SAMSN1: variants seen among roughly 807,000 people sequenced by gnomAD.
SAMSN1 encodes the protein SAM domain, SH3 domain and nuclear localization signals 1.
In SAMSN1, 31 loss-of-function variants were observed where a neutral mutation model predicts 42.0. That is an observed-to-expected ratio of 0.74 (90% CI 0.55 to 1.00). SAMSN1 has a LOEUF of 1.00. Ranked by LOEUF, SAMSN1 falls within the 50% of genes least tolerant of loss-of-function variation. SAMSN1 has a pLI of 0.00. For synonymous variants in SAMSN1, 178 were observed against 151.9 expected (o/e 1.17, Z -1.26); for missense variants, 464 against 439.4 (o/e 1.06, Z -0.50).
At chr21:14,551,360 G>T (rs1258613327) in intron 2 of SAMSN1, among the ~76,000 whole-genome samples, 3 of 152,202 alleles carry the variant, frequency 2.0e-5, no homozygotes, top group Non-Finnish European at 2.9e-5. Flanking sequence ...GGATAAAACT[G>T]CCTTGAAGAG....
At chr21:14,617,382 C>T (rs1982867280) in intron 2 of SAMSN1, among the ~76,000 whole-genome samples, 1 of 152,194 alleles carries the variant, frequency 6.6e-6, no homozygotes, top group Non-Finnish European at 1.5e-5. Flanking sequence ...AGATTAGAAG[C>T]TAATTGTGTT....
intron 5 of SAMSN1, among the ~76,000 whole-genome samples, chr21:14,507,999 G>A (rs1987492626): frequency 6.6e-6 from 1 of 152,174 alleles, no homozygotes; most frequent in Admixed American, 6.5e-5. Context: ...TAACTGGCTA[G>A]CCATATGTAG....
intron 2 of SAMSN1, among the ~76,000 whole-genome samples, chr21:14,625,303 C>T (rs1170170847): frequency 2.0e-5 from 3 of 151,892 alleles, no homozygotes; most frequent in Non-Finnish European, 4.4e-5. Context: ...GAAAGAAATA[C>T]AGGGTATTCA....
chr21:14,489,885 T>C (rs1451771138), intron 7 of SAMSN1, among the ~76,000 whole-genome samples: 6 of 152,122 alleles, frequency 3.9e-5, no homozygotes, highest in Admixed American at 2.0e-4. Flanking sequence ...CACAAAATAA[T>C]TATATTGGAA....
At chr21:14,491,647 T>C (rs1262907042) in intron 7 of SAMSN1, among the ~76,000 whole-genome samples, 1 of 152,230 alleles carries the variant, frequency 6.6e-6, no homozygotes, top group Non-Finnish European at 1.5e-5. Context: ...CTTTGTCTAA[T>C]TCAGTATACA....
At chr21:14,585,334 C>T (rs1189758980), upstream of SAMSN1, 1 of 152,108 alleles carries the variant, frequency 6.6e-6, no homozygotes, top group Non-Finnish European at 1.5e-5. Flanking sequence ...TGTTGTGCTT[C>T]TATTCTTATG....
chr21:14,505,369 G>T (rs1987352344), intron 5 of SAMSN1, among the ~76,000 whole-genome samples: 2 of 152,034 alleles, frequency 1.3e-5, no homozygotes, highest in Admixed American at 6.6e-5. Context: ...AACACATAAA[G>T]ACTCACACAA....
At chr21:14,487,347 T>G (rs9980377) in intron 7 of SAMSN1, among the ~76,000 whole-genome samples, 7 of 150,104 alleles carry the variant, frequency 4.7e-5, no homozygotes, top group African/African-American at 1.5e-4. Context: ...TATTTATTTT[T>G]TATATATATA....
upstream of SAMSN1, among the ~76,000 whole-genome samples, chr21:14,587,127 T>C (rs1981942676): frequency 1.3e-5 from 2 of 152,224 alleles, no homozygotes; most frequent in African/African-American, 4.8e-5. Flanking sequence ...TCCATTTCAA[T>C]GGACTCTTCC....
At chr21:14,595,411 G>A (rs573321609) in intron 6 of SAMSN1, among the ~76,000 whole-genome samples, 14 of 151,992 alleles carry the variant, frequency 9.2e-5, no homozygotes, top group Admixed American at 3.9e-4. Context: ...TAGAGCTGTG[G>A]GAAATATGTT....
chr21:14,522,181 G>A (rs1036513282), intron 1 of SAMSN1, among the ~76,000 whole-genome samples: 3 of 152,144 alleles, frequency 2.0e-5, no homozygotes, highest in Non-Finnish European at 4.4e-5. Flanking sequence ...TGCTTACAAA[G>A]CTACATTTTT....
At chr21:14,643,124 T>A (rs1170511102) in exon 2 of SAMSN1, 1 of 717,066 alleles carries the variant, frequency 1.4e-6, no homozygotes, top group Non-Finnish European at 2.6e-6. Flanking sequence ...AAGCTATCCA[T>A]AGAGCCCTCC....
intron 2 of SAMSN1, among the ~76,000 whole-genome samples, chr21:14,577,282 AT>A (rs1227191434): frequency 1.4e-4 from 7 of 50,510 alleles, no homozygotes; most frequent in Non-Finnish European, 2.1e-4. Flanking sequence ...ATATATATAT[AT>A]ATTTTTTTTT....
chr21:14,603,628 G>C (rs1431808232), intron 5 of SAMSN1, among the ~76,000 whole-genome samples: 1 of 152,232 alleles, frequency 6.6e-6, no homozygotes, highest in African/African-American at 2.4e-5. Context: ...TCTGGATATA[G>C]AGTAAGAGGA....
chr21:14,564,444 C>T (rs541169695), intron 2 of SAMSN1, among the ~76,000 whole-genome samples: 1 of 152,272 alleles, frequency 6.6e-6, no homozygotes, highest in Admixed American at 6.5e-5. Flanking sequence ...TTATTGTCTC[C>T]TGTGTTGCAA....
At chr21:14,640,399 A>G (rs946575839) in intron 2 of SAMSN1, among the ~76,000 whole-genome samples, 2 of 152,136 alleles carry the variant, frequency 1.3e-5, no homozygotes, top group African/African-American at 4.8e-5. Flanking sequence ...AGCTTGAGCC[A>G]TAACTCCATT....
intron 1 of SAMSN1, among the ~76,000 whole-genome samples, chr21:14,649,589 G>A (rs1482958514): frequency 6.6e-6 from 1 of 152,022 alleles, no homozygotes; most frequent in Admixed American, 6.6e-5. Context: ...GAAAAACCTG[G>A]TTAAACCCCA....
intron 3 of SAMSN1, among the ~76,000 whole-genome samples, chr21:14,512,972 C>T (rs980807943): frequency 2.6e-5 from 4 of 152,184 alleles, no homozygotes; most frequent in African/African-American, 9.7e-5. Flanking sequence ...TCTGATCCTA[C>T]AAGCTTAAAC....
intron 2 of SAMSN1, among the ~76,000 whole-genome samples, chr21:14,580,556 C>A (rs779967975): frequency 1.3e-5 from 2 of 152,062 alleles, no homozygotes; most frequent in Non-Finnish European, 2.9e-5. Context: ...GTGCAGCAGT[C>A]CCAGAAAAGA....
Sources: gnomAD v4.1 joint callset for allele counts (sites outside exome capture counted in the v4.1 genomes callset) on GRCh38, gnomAD v4.1.1 for gene constraint, MANE v1.5 for transcripts, NCBI Gene and HGNC (gene_info 2026-07-23, HGNC 2026-07-21) for gene names.